SLC24A3: variants seen among roughly 807,000 people sequenced by gnomAD.
SLC24A3 encodes the protein solute carrier family 24 member 3.
SLC24A3 carries 28 observed loss-of-function variants against 75.8 expected under a neutral mutation model. The observed-to-expected ratio is 0.37, with a 90% CI of 0.27 to 0.51. The LOEUF is 0.51. Ranked by LOEUF, SLC24A3 falls within the 20% of genes least tolerant of loss-of-function variation. SLC24A3 has a pLI of 0.94. For synonymous variants in SLC24A3, 372 were observed against 334.1 expected, an observed-to-expected ratio of 1.11 and a Z score of -1.24; for missense variants, 663 against 847.8, an observed-to-expected ratio of 0.78 and a Z score of 2.71.
chr20:19,499,816 G>A (rs1443803029), intron 2 of SLC24A3, among the ~76,000 whole-genome samples: 1 of 152,030 alleles, frequency 6.6e-6, no homozygotes, highest in African/African-American at 2.4e-5. Context: ...GTACACACAT[G>A]GATGCTACAT....
At chr20:19,613,013 T>G (rs1253893756) in intron 6 of SLC24A3, among the ~76,000 whole-genome samples, 1 of 152,210 alleles carries the variant, frequency 6.6e-6, no homozygotes, top group Non-Finnish European at 1.5e-5. Context: ...ACTTTGTTCA[T>G]GGACATCTGT....
chr20:19,693,531 A>G (rs1031508491), intron 13 of SLC24A3, 106 bp downstream of exon 13: 3 of 1,416,506 alleles, frequency 2.1e-6, no homozygotes, highest in African/African-American at 1.4e-5. Flanking sequence ...AGCTATTGCT[A>G]CAATAAGCTG....
chr20:19,346,767 G>A (rs1985438341), intron 2 of SLC24A3, among the ~76,000 whole-genome samples: 1 of 151,968 alleles, frequency 6.6e-6, no homozygotes. Context: ...TGGGTGCACA[G>A]AAATCTCAGA....
intron 2 of SLC24A3, among the ~76,000 whole-genome samples, chr20:19,509,739 T>C (rs1248198096): frequency 1.3e-5 from 2 of 152,244 alleles, no homozygotes; most frequent in Non-Finnish European, 2.9e-5. Context: ...CTGAGACTTA[T>C]CAGGCATCTG....
intron 15 of SLC24A3, among the ~76,000 whole-genome samples, chr20:19,710,927 T>G (rs994707850): frequency 2.0e-5 from 3 of 152,272 alleles, no homozygotes; most frequent in Admixed American, 2.0e-4. Context: ...GCTTTGTTAC[T>G]TGCGGAGATC....
chr20:19,430,807 GAC>G (rs3057537), intron 2 of SLC24A3, among the ~76,000 whole-genome samples: 2 of 151,748 alleles, frequency 1.3e-5, no homozygotes, highest in African/African-American at 4.8e-5. Flanking sequence ...TGCACTCATG[GAC>G]ACACATGCAC....
At chr20:19,445,838 C>T (rs534328056) in intron 2 of SLC24A3, among the ~76,000 whole-genome samples, 13 of 152,270 alleles carry the variant, frequency 8.5e-5, no homozygotes, top group African/African-American at 2.4e-4. Context: ...AGTCCACCAA[C>T]GACATCTGCC....
intron 15 of SLC24A3, among the ~76,000 whole-genome samples, chr20:19,698,935 A>G (rs2032842062): frequency 6.6e-6 from 1 of 151,942 alleles, no homozygotes; most frequent in Admixed American, 6.6e-5. Context: ...GGGCCAGAGG[A>G]TGTTTATACA....
intron 1 of SLC24A3, among the ~76,000 whole-genome samples, chr20:19,276,384 G>A (rs761991111): frequency 6.6e-6 from 1 of 152,244 alleles, no homozygotes; most frequent in Middle Eastern, 3.4e-3. Context: ...CTTAACAGTG[G>A]GGATATGTTC....
chr20:19,298,974 C>A (rs543294022), intron 2 of SLC24A3, among the ~76,000 whole-genome samples: 16 of 152,296 alleles, frequency 1.1e-4, no homozygotes, highest in Non-Finnish European at 1.5e-4. Flanking sequence ...AAAAGCAGTC[C>A]CCATGGCCGA....
At chr20:19,611,596 G>A (rs187904265) in intron 6 of SLC24A3, among the ~76,000 whole-genome samples, 26 of 152,340 alleles carry the variant, frequency 1.7e-4, no homozygotes, top group African/African-American at 6.3e-4. Context: ...AATTGGGATG[G>A]TTTGTTCCTT....
intron 2 of SLC24A3, among the ~76,000 whole-genome samples, chr20:19,290,102 G>A (rs1237557116): frequency 6.6e-6 from 1 of 152,174 alleles, no homozygotes; most frequent in Non-Finnish European, 1.5e-5. Flanking sequence ...TCCTTGAGCT[G>A]CACCTGCGCC....
intron 2 of SLC24A3, among the ~76,000 whole-genome samples, chr20:19,436,009 C>G (rs1005516614): frequency 6.6e-6 from 1 of 152,134 alleles, no homozygotes; most frequent in Non-Finnish European, 1.5e-5. Flanking sequence ...TTGTGCTTGG[C>G]AAGGAGACTG....
chr20:19,406,225 T>TGAGAGAGA (rs11087283), intron 2 of SLC24A3, among the ~76,000 whole-genome samples: 5 of 151,900 alleles, frequency 3.3e-5, no homozygotes, highest in African/African-American at 1.2e-4. Flanking sequence ...TGTGTGTGTG[T>TGAGAGAGA]GTGAGAGAGA....
chr20:19,566,975 A>G (rs1600283309), intron 3 of SLC24A3, among the ~76,000 whole-genome samples: 1 of 152,218 alleles, frequency 6.6e-6, no homozygotes, highest in African/African-American at 2.4e-5. Flanking sequence ...CTCACACCAG[A>G]TAGAATGGCT....
intron 2 of SLC24A3, among the ~76,000 whole-genome samples, chr20:19,288,523 A>T (rs931975747): frequency 6.6e-6 from 1 of 152,230 alleles, no homozygotes; most frequent in African/African-American, 2.4e-5. Context: ...TTAGATGCAG[A>T]GATTTTGTGG....
At chr20:19,667,275 A>C (rs543254024) in intron 8 of SLC24A3, among the ~76,000 whole-genome samples, 1 of 152,366 alleles carries the variant, frequency 6.6e-6, no homozygotes, top group South Asian at 2.1e-4. Context: ...AATGAGAAGG[A>C]GGTCTTCTTT....
chr20:19,342,228 T>C (rs1985288699), intron 2 of SLC24A3, among the ~76,000 whole-genome samples: 1 of 152,230 alleles, frequency 6.6e-6, no homozygotes, highest in African/African-American at 2.4e-5. Context: ...CTATCTGTTC[T>C]CCTGGAGCTT....
intron 2 of SLC24A3, among the ~76,000 whole-genome samples, chr20:19,371,664 T>C (rs1280887877): frequency 6.6e-6 from 1 of 152,134 alleles, no homozygotes; most frequent in Non-Finnish European, 1.5e-5. Flanking sequence ...GCTGTCCATG[T>C]TTTTTAGTGG....
Sources: allele counts gnomAD v4.1 joint callset (sites outside exome capture counted in the v4.1 genomes callset), GRCh38; gene constraint gnomAD v4.1.1; transcripts MANE v1.5; gene names NCBI Gene and HGNC (gene_info 2026-07-23, HGNC 2026-07-21).